Variants in PIBF1 observed in about 807,000 individuals in gnomAD.
The protein encoded by PIBF1 is progesterone immunomodulatory binding factor 1.
In PIBF1, 90 loss-of-function variants were observed where a neutral mutation model predicts 112.5. That is an observed-to-expected ratio of 0.80 (90% CI 0.67 to 0.95). PIBF1 has a LOEUF of 0.95. Ranked by LOEUF, PIBF1 falls within the 40% of genes least tolerant of loss-of-function variation. The probability of loss-of-function intolerance (pLI) is 0.00; values close to 1 mark genes in which losing one functional copy is unlikely to be tolerated. For missense variants in PIBF1, 915 were observed against 852.3 expected (o/e 1.07, Z -0.92); for synonymous variants, 301 against 288.6 (o/e 1.04, Z -0.44).
chr13:73,012,575 C>T (rs184986507), intron 17 of PIBF1, among the ~76,000 whole-genome samples: 2 of 147,534 alleles, frequency 1.4e-5, no homozygotes, highest in Non-Finnish European at 3.0e-5. Flanking sequence ...ACACACACAC[C>T]AAAAAAAACA....
At chr13:72,892,785 T>TACACACACACACACACACACACACAC (rs113653296) in intron 10 of PIBF1, among the ~76,000 whole-genome samples, 1 of 140,710 alleles carries the variant, frequency 7.1e-6, no homozygotes, top group Non-Finnish European at 1.5e-5. Context: ...CCTCCTGCCT[T>TACACACACACACACACACACACACAC]ACACACACAC....
At chr13:73,003,155 A>G (rs951345849) in intron 17 of PIBF1, among the ~76,000 whole-genome samples, 14 of 152,132 alleles carry the variant, frequency 9.2e-5, no homozygotes, top group African/African-American at 2.4e-4. Flanking sequence ...TGTTGTATAG[A>G]TAGATTAAGT....
intron 16 of PIBF1, 183 bp downstream of exon 16, chr13:72,973,858 C>T: frequency 2.0e-6 from 1 of 509,050 alleles, no homozygotes. Flanking sequence ...ATTCTTATTC[C>T]TAGAATAACC....
intron 13 of PIBF1, among the ~76,000 whole-genome samples, chr13:72,927,917 A>C (rs2041541181): frequency 6.9e-6 from 1 of 145,362 alleles, no homozygotes; most frequent in African/African-American, 2.5e-5. Flanking sequence ...GCAACTGAGA[A>C]CTTTAATACC....
intron 8 of PIBF1, among the ~76,000 whole-genome samples, chr13:72,833,200 A>T (rs181675035): frequency 6.6e-6 from 1 of 152,260 alleles, no homozygotes; most frequent in East Asian, 1.9e-4. Flanking sequence ...GCTTCCTTGC[A>T]TTGGGTTAGA....
chr13:72,997,199 A>T (rs1397567388), intron 16 of PIBF1, among the ~76,000 whole-genome samples: 1 of 152,132 alleles, frequency 6.6e-6, no homozygotes, highest in Non-Finnish European at 1.5e-5. Flanking sequence ...TAATAAAGAG[A>T]TGTTCTTTCA....
chr13:72,872,726 T>A (rs1594097517), intron 10 of PIBF1, among the ~76,000 whole-genome samples: 1 of 152,176 alleles, frequency 6.6e-6, no homozygotes, highest in African/African-American at 2.4e-5. Context: ...ACAAAAACTT[T>A]AAGTAACTTT....
rs928868622 is a variant in PIBF1, at chr13:72,869,563, A to G, written c.1322+15408A>G. Among the ~76,000 whole-genome samples, 14 of 152,086 alleles carry G rather than the reference A, an allele frequency of 9.2e-5. No individual in the cohort carries two copies. The South Asian group carries it at 2.9e-3, about 32-fold the overall frequency. ...GCACACCAGCATGGCACATATATAC[A>G]TGTGTAACTAACCTGCACATTGTGC... On this transcript the variant is annotated intron_variant, in intron 10 of 17. Coordinates refer to ENST00000326291, the MANE Select transcript of PIBF1 (RefSeq NM_006346.4).
chr13:72,974,947 G>A (rs9600052), intron 16 of PIBF1, among the ~76,000 whole-genome samples: 1,850 of 151,926 alleles, frequency 0.012, 19 homozygotes, highest in Middle Eastern at 0.027. Flanking sequence ...TCTCTGCATC[G>A]TCACCAACCA....
chr13:72,947,054 G>C (rs1378021735), intron 14 of PIBF1, among the ~76,000 whole-genome samples: 4 of 152,226 alleles, frequency 2.6e-5, no homozygotes, highest in African/African-American at 7.2e-5. Flanking sequence ...CACTGCCCTA[G>C]CAGAGGTTCT....
At chr13:72,885,542 A>C (rs2039816812) in intron 10 of PIBF1, among the ~76,000 whole-genome samples, 1 of 152,150 alleles carries the variant, frequency 6.6e-6, no homozygotes, top group South Asian at 2.1e-4. Context: ...AAGAGCTTAT[A>C]ATATGCCAGA....
At chr13:72,905,979 T>G (rs1476961426) in intron 11 of PIBF1, among the ~76,000 whole-genome samples, 1 of 152,198 alleles carries the variant, frequency 6.6e-6, no homozygotes, top group East Asian at 1.9e-4. Context: ...TCAGCAGTGC[T>G]TAACACAGTG....
chr13:72,830,045 T>G (rs1211523165), intron 8 of PIBF1, among the ~76,000 whole-genome samples: 1 of 152,208 alleles, frequency 6.6e-6, no homozygotes, highest in African/African-American at 2.4e-5. Flanking sequence ...GTAGCAGTTG[T>G]GAATGGGAGT....
chr13:72,962,901 G>A (rs1445568787), intron 14 of PIBF1, among the ~76,000 whole-genome samples: 1 of 152,172 alleles, frequency 6.6e-6, no homozygotes, highest in African/African-American at 2.4e-5. Flanking sequence ...GTTACAGTCA[G>A]CAAAACAGTG....
At position 73,005,596 on chromosome 13, in the gene PIBF1, T is replaced by C. The variant is rs144496949; in HGVS notation, c.2223+6601T>C. On this transcript the variant is annotated intron_variant, in intron 17 of 17. Transcript: ENST00000326291. ...TCTCATTTATTCATGAGGGAAAGTT[T>C]ATAATTTTATCAAAAATGGAACGTA... Among the ~76,000 whole-genome samples, 300 of 152,192 alleles carry C rather than the reference T, an allele frequency of 2.0e-3. 1 individual carries two copies. Among genetic ancestry groups the C allele is most frequent in the African/African-American group, 6.6e-3 (273 of 41,572 alleles).
intron 6 of PIBF1, among the ~76,000 whole-genome samples, chr13:72,823,192 A>G (rs1013186517): frequency 6.6e-5 from 10 of 152,372 alleles, no homozygotes; most frequent in South Asian, 4.1e-4. Context: ...CTATCAGTCT[A>G]TAGCAATGAC....
chr13:72,964,008 G>A (rs1157299538), intron 14 of PIBF1, among the ~76,000 whole-genome samples: 1 of 152,176 alleles, frequency 6.6e-6, no homozygotes, highest in Non-Finnish European at 1.5e-5. Flanking sequence ...AGTGAAACAA[G>A]AACTCAAGAT....
At chr13:72,834,517 C>T (rs2138200412) in intron 8 of PIBF1, among the ~76,000 whole-genome samples, 1 of 152,258 alleles carries the variant, frequency 6.6e-6, no homozygotes, top group South Asian at 2.1e-4. Context: ...GTCCTGCCTA[C>T]TCAGGAGGCT....
In PIBF1 at chr13:72,922,128, C is replaced by T. The variant is rs148372631; in HGVS notation, c.1730+4962C>T. ...TGAGTAGCTAGGCATGCACGCTGTA[C>T]CTGGCTAATTTTTTTATTTTTTATT... On this transcript the variant is annotated intron_variant, in intron 13 of 17. Transcript: ENST00000326291. Among the ~76,000 whole-genome samples, 1,107 of 152,046 alleles carry T rather than the reference C, an allele frequency of 7.3e-3. 18 individuals are homozygous for T. The highest frequency in any genetic ancestry group is 0.025 in the African/African-American group (1,054 of 41,486).
Sources: allele counts gnomAD v4.1 joint callset (sites outside exome capture counted in the v4.1 genomes callset), GRCh38; gene constraint gnomAD v4.1.1; transcripts MANE v1.5; gene names NCBI Gene and HGNC (gene_info 2026-07-23, HGNC 2026-07-21).